MAEA: variants seen among roughly 807,000 people sequenced by gnomAD.
MAEA encodes the protein E3 ubiquitin-protein transferase MAEA.
In MAEA, 22 loss-of-function variants were observed where a neutral mutation model predicts 46.2. The ratio of observed to expected loss-of-function variants is 0.48; its 90% CI spans 0.34 to 0.68. The LOEUF (loss-of-function observed/expected upper bound fraction) is 0.68, where lower values mean the gene tolerates loss of function less well. Ranked by LOEUF, MAEA falls within the 30% of genes least tolerant of loss-of-function variation. The probability of loss-of-function intolerance (pLI) is 0.01; values close to 1 mark genes in which losing one functional copy is unlikely to be tolerated. For synonymous variants in MAEA, 246 were observed against 222.6 expected, an observed-to-expected ratio of 1.11 and a Z score of -0.94; for missense variants, 393 against 558.1, an observed-to-expected ratio of 0.70 and a Z score of 2.98.
In MAEA at chr4:1,338,602, C is replaced by T. The variant is rs776738468; in HGVS notation, c.1080C>T (p.Tyr360=). ...NNPPMMLPNG[Y]VYGYNSLLSI... ...CGCCCATGATGCTGCCCAACGGCTA[C>T]GTCTACGGCTACAATGTGAGGGGGG... is the stretch of plus-strand genomic sequence containing the variant. The change falls in exon 8 of 9, where the codon TAC becomes TAT. Residue 360 remains tyrosine (Y), a synonymous_variant. Coordinates refer to ENST00000303400, the MANE Select transcript of MAEA (RefSeq NM_001017405.3). The T allele has an allele frequency of 1.7e-5, 27 of 1,609,386 alleles. No individual in the cohort carries two copies. The highest frequency in any genetic ancestry group is 6.6e-5 in the South Asian group (6 of 90,578).
intron 1 of MAEA, among the ~76,000 whole-genome samples, chr4:1,294,329 T>G (rs1734412036): frequency 6.6e-6 from 1 of 152,164 alleles, no homozygotes; most frequent in Non-Finnish European, 1.5e-5. Context: ...TCCAGCTGGT[T>G]GGGCAAGGCT....
At chr4:1,304,115 C>T (rs1451953839) in intron 1 of MAEA, among the ~76,000 whole-genome samples, 1 of 152,138 alleles carries the variant, frequency 6.6e-6, no homozygotes, top group Non-Finnish European at 1.5e-5. Flanking sequence ...AGTCGTGTGG[C>T]TCCAGTTTCC....
chr4:1,290,370 G>T lies in MAEA; in HGVS notation c.69+388G>T, dbSNP rs947581522. Among the ~76,000 whole-genome samples, 13 of 152,332 alleles carry T rather than the reference G, an allele frequency of 8.5e-5. 2 individuals are homozygous for T. The highest frequency in any genetic ancestry group is 1.9e-4 in the East Asian group (1 of 5,182). ...CCAGTGCCCGGCCGCCCTCCCGGGAGCCCAGGGCTGGGAGGTGCCGGCTGC... is the reference window on the plus strand; with the variant it reads ...CCAGTGCCCGGCCGCCCTCCCGGGATCCCAGGGCTGGGAGGTGCCGGCTGC... On this transcript the variant is annotated intron_variant, in intron 1 of 8. Transcript: ENST00000303400.
rs1429593338 is a variant in MAEA at position 1,333,988 on chromosome 4, GCACCCATCCCATGCC to G, written c.765+1124_765+1138del. ...CCCCCATGCCCGTGTGCTCACCCCT[GCACCCATCCCATGCC>G]TACCGTGCTCACCCCCATGCCCACC... On this transcript the variant is annotated intron_variant, in intron 6 of 8. Transcript: ENST00000303400. Among the ~76,000 whole-genome samples, 5 of 43,364 alleles carry G rather than the reference GCACCCATCCCATGCC, an allele frequency of 1.2e-4. 1 individual carries two copies. In the East Asian group the frequency reaches 2.8e-3, roughly 24 times the overall value. 28.4% of individuals were successfully genotyped at this position (43,364 alleles called of 152,430 possible).
intron 6 of MAEA, chr4:1,334,951 C>A: frequency 1.0e-6 from 1 of 985,352 alleles, no homozygotes; most frequent in Non-Finnish European, 1.2e-6. Flanking sequence ...GTGGTGTTTA[C>A]CCTAAACTGA....
At chr4:1,308,646 T>A (rs1485359151) in intron 1 of MAEA, among the ~76,000 whole-genome samples, 2 of 152,274 alleles carry the variant, frequency 1.3e-5, no homozygotes, top group Non-Finnish European at 2.9e-5. Flanking sequence ...TCTGCACTTG[T>A]GTCTCCTGAG....
intron 5 of MAEA, chr4:1,330,578 G>A (rs1278243915): frequency 6.8e-6 from 1 of 147,616 alleles, no homozygotes; most frequent in Non-Finnish European, 1.5e-5. Context: ...GCCTCCCAAA[G>A]TGCTGGGATT....
At chr4:1,328,496 C>T (rs959034419) in intron 5 of MAEA, 5 of 550,098 alleles carry the variant, frequency 9.1e-6, no homozygotes, top group Non-Finnish European at 1.3e-5. Context: ...CTTGCGGTGA[C>T]GCTTGAGTTG....
chr4:1,319,697 C>T (rs535667682), intron 3 of MAEA, among the ~76,000 whole-genome samples: 8 of 152,300 alleles, frequency 5.3e-5, no homozygotes, highest in African/African-American at 1.9e-4. Flanking sequence ...GATCTCACCA[C>T]TGTATTCCAT....
At chr4:1,320,938 A>G (rs1018702379) in intron 3 of MAEA, among the ~76,000 whole-genome samples, 1 of 152,192 alleles carries the variant, frequency 6.6e-6, no homozygotes. Flanking sequence ...GTCTCTACTA[A>G]AAATACAAAA....
chr4:1,293,576 C>T (rs1341952200), intron 1 of MAEA, among the ~76,000 whole-genome samples: 2 of 152,194 alleles, frequency 1.3e-5, no homozygotes, highest in Admixed American at 6.5e-5. Context: ...GTGTTCATCA[C>T]CTGGAGACCC....
In MAEA at chr4:1,311,981, G is replaced by T; in HGVS notation, c.72G>T (p.Val24=). 1 of 1,606,330 alleles carries T rather than the reference G, an allele frequency of 6.2e-7. No individual in the cohort carries two copies. Among genetic ancestry groups the T allele is most frequent in the Non-Finnish European group, 8.5e-7 (1 of 1,173,868 alleles). ...LKVQEYPTLK[V]PYETLNKRFR... ...TCACCATCCTCCTTCCTCTCCAGGT[G>T]CCCTACGAGACGCTGAACAAACGCT... The change falls in exon 2 of 9, where the codon GTG becomes GTT. Residue 24 remains valine, a splice_region_variant and synonymous_variant. Coordinates refer to ENST00000303400, the MANE Select transcript of MAEA (RefSeq NM_001017405.3). The surrounding 1 kb of genome is among the most constrained non-coding windows in gnomAD (Gnocchi z 4.4).
At chr4:1,318,538 A>C (rs931211458) in intron 3 of MAEA, among the ~76,000 whole-genome samples, 2 of 152,058 alleles carry the variant, frequency 1.3e-5, no homozygotes, top group Non-Finnish European at 2.9e-5. Context: ...GCTGTGTGGA[A>C]GAAGGCGGGC....
chr4:1,328,544 C>G, intron 5 of MAEA: 1 of 1,061,632 alleles, frequency 9.4e-7, no homozygotes, highest in Non-Finnish European at 1.2e-6. Flanking sequence ...CCCTCAGCTC[C>G]CGGGCGAGTG....
intron 1 of MAEA, among the ~76,000 whole-genome samples, chr4:1,306,557 G>C (rs1228184584): frequency 6.6e-6 from 1 of 152,024 alleles, no homozygotes; most frequent in Non-Finnish European, 1.5e-5. Context: ...CTTGCTTGTC[G>C]TAATACTGAG....
intron 3 of MAEA, among the ~76,000 whole-genome samples, chr4:1,316,121 C>G (rs1737133410): frequency 1.3e-5 from 2 of 152,142 alleles, no homozygotes; most frequent in Admixed American, 1.3e-4. Context: ...TGCGCTGACA[C>G]ATGCTCCATT....
chr4:1,311,901 C>A lies in MAEA; in HGVS notation c.70-78C>A. 2 of 1,313,086 alleles carry A rather than the reference C, an allele frequency of 1.5e-6. No homozygotes were observed. The highest frequency in any genetic ancestry group is 2.1e-6 in the Non-Finnish European group (2 of 936,982). 81.3% of individuals were successfully genotyped at this position (1,313,086 alleles called of 1,614,324 possible). Reference sequence around the variant, plus strand: ...TGCCTCTACAAGTGCCATGAGGAGACCTGGTGTGTCCTGGGTGTGGGGCTG... The same window carrying A: ...TGCCTCTACAAGTGCCATGAGGAGAACTGGTGTGTCCTGGGTGTGGGGCTG... On this transcript the variant is annotated intron_variant, in intron 1 of 8. Transcript: ENST00000303400. The surrounding 1 kb of genome is among the most constrained non-coding windows in gnomAD (Gnocchi z 4.4).
At chr4:1,298,056 C>T (rs1560327952) in intron 1 of MAEA, 5 of 456,282 alleles carry the variant, frequency 1.1e-5, no homozygotes, top group Middle Eastern at 3.3e-4. Flanking sequence ...GAGTGGGTGT[C>T]GAGTACTGCC....
chr4:1,334,056 A>G lies in MAEA; in HGVS notation c.765+1191A>G, dbSNP rs1237101997. 3.6e-3 allele frequency among the ~76,000 whole-genome samples: 63 copies of G among 17,482 alleles called. 14 individuals are homozygous for G. The highest frequency in any genetic ancestry group is 6.2e-3 in the Admixed American group (9 of 1,454). The allele number at this position is 17,482 out of a possible 152,430, so 11.5% of individuals were successfully genotyped here. A position where few individuals can be genotyped will look rare whatever the true frequency, so the allele number is the denominator to read the frequency against. ...ATGCCCACCATGTGCTCACCCCTGC[A>G]CCCACCCCCATGCCCGTGTGCTCAC... On this transcript the variant is annotated intron_variant, in intron 6 of 8. Transcript: ENST00000303400.
Sources: allele counts gnomAD v4.1 joint callset (sites outside exome capture counted in the v4.1 genomes callset), GRCh38; gene constraint gnomAD v4.1.1; non-coding constraint Gnocchi (gnomAD v3.1); transcripts MANE v1.5; gene names NCBI Gene and HGNC (gene_info 2026-07-23, HGNC 2026-07-21).